TMIGD3: variants seen among roughly 807,000 people sequenced by gnomAD.
The protein encoded by TMIGD3 is AD026 protein (AD026).
In TMIGD3, 21 loss-of-function variants were observed where a neutral mutation model predicts 28.1. The ratio of observed to expected loss-of-function variants is 0.75; its 90% CI spans 0.53 to 1.08. The LOEUF (loss-of-function observed/expected upper bound fraction) is 1.08. Ranked by LOEUF, TMIGD3 falls within the 50% of genes least tolerant of loss-of-function variation. The probability of loss-of-function intolerance (pLI) is 0.00; values close to 1 mark genes in which losing one functional copy is unlikely to be tolerated. For synonymous variants in TMIGD3, 151 were observed against 162.1 expected (o/e 0.93, Z 0.52); for missense variants, 416 against 435.6 (o/e 0.96, Z 0.40).
intron 1 of TMIGD3, among the ~76,000 whole-genome samples, chr1:111,519,698 C>CTT (rs796777575): frequency 3.5e-4 from 50 of 142,220 alleles, no homozygotes; most frequent in African/African-American, 7.7e-4. Context: ...CTTTTCTCTT[C>CTT]TTTTTTTTTT....
intron 1 of TMIGD3, among the ~76,000 whole-genome samples, chr1:111,547,248 T>C (rs1657065307): frequency 6.6e-6 from 1 of 152,132 alleles, no homozygotes; most frequent in Non-Finnish European, 1.5e-5. Flanking sequence ...ATGACCTTTA[T>C]GAGATTGAAG....
intron 1 of TMIGD3, among the ~76,000 whole-genome samples, chr1:111,558,355 T>C (rs1461957340): frequency 6.7e-6 from 1 of 149,050 alleles, no homozygotes; most frequent in Admixed American, 6.7e-5. Flanking sequence ...TTTTTCTATT[T>C]TTTTTTTTTT....
At chr1:111,554,994 A>AT (rs1657422597) in intron 1 of TMIGD3, among the ~76,000 whole-genome samples, 1 of 152,120 alleles carries the variant, frequency 6.6e-6, no homozygotes, top group Admixed American at 6.6e-5. Context: ...GCTACAGAAT[A>AT]TTTTTTAAGT....
upstream of TMIGD3, among the ~76,000 whole-genome samples, chr1:111,506,912 A>ATATT (rs1166232463): frequency 7.1e-3 from 307 of 43,308 alleles, 1 homozygote; most frequent in African/African-American, 0.016. Context: ...ATATATATAT[A>ATATT]TTATATATAT....
chr1:111,502,886 C>T, intron 1 of TMIGD3, 119 bp downstream of exon 1: 1 of 1,272,836 alleles, frequency 7.9e-7, no homozygotes, highest in South Asian at 1.5e-5. Context: ...CACTTATTGC[C>T]CTCTTTCAAC....
intron 1 of TMIGD3, among the ~76,000 whole-genome samples, chr1:111,528,822 T>G (rs1450466150): frequency 6.6e-6 from 1 of 152,092 alleles, no homozygotes; most frequent in Admixed American, 6.5e-5. Context: ...AGTTGTTTAT[T>G]CCTTGTATAG....
At chr1:111,496,115 T>C (rs1654878227) in intron 1 of TMIGD3, among the ~76,000 whole-genome samples, 1 of 152,156 alleles carries the variant, frequency 6.6e-6, no homozygotes, top group South Asian at 2.1e-4. Context: ...AAATTACCTA[T>C]ATGGCAAACC....
At chr1:111,524,644 C>T (rs1159659301) in intron 1 of TMIGD3, among the ~76,000 whole-genome samples, 3 of 151,618 alleles carry the variant, frequency 2.0e-5, no homozygotes, top group Admixed American at 2.0e-4. Flanking sequence ...TCTGGAGACA[C>T]AATTTCACTC....
chr1:111,512,997 C>T (rs11810580), intron 1 of TMIGD3, among the ~76,000 whole-genome samples: 13,019 of 152,176 alleles, frequency 0.086, 652 homozygotes, highest in East Asian at 0.21. Context: ...AGTGGTTTGT[C>T]AGCATAAGCA....
In TMIGD3 at chr1:111,552,646, A is replaced by T. The variant is rs528367794; in HGVS notation, c.107+11200T>A. Reference sequence around the variant, plus strand: ...TTATCTATTTTTCTTAATCACTACCACCACCAGGCAGGCCTTGAGAGGCAA... The same window carrying T: ...TTATCTATTTTTCTTAATCACTACCTCCACCAGGCAGGCCTTGAGAGGCAA... On this transcript the variant is annotated intron_variant, in intron 1 of 5. Transcript: ENST00000369717. 2.6e-5 allele frequency among the ~76,000 whole-genome samples: 4 copies of T among 152,216 alleles called. No individual in the cohort carries two copies. In the South Asian group the frequency reaches 6.2e-4, roughly 24 times the overall value.
At position 111,562,850 on chromosome 1, in the gene TMIGD3, A is replaced by G. The variant is rs77695565; in HGVS notation, c.107+996T>C. Among the ~76,000 whole-genome samples the G allele has an allele frequency of 7.5e-3, 1,146 of 152,346 alleles. 9 individuals are homozygous for G. Among genetic ancestry groups the G allele is most frequent in the African/African-American group, 0.026 (1,089 of 41,570 alleles). On this transcript the variant is annotated intron_variant, in intron 1 of 5. Coordinates refer to the TMIGD3 transcript ENST00000369717. ...GTTTGCTTTTAGTTCTCAATCAATC[A>G]AGTACTTTAGAAAAGCCCAATACAA...
At chr1:111,504,306 G>C (rs1655398159), upstream of TMIGD3, among the ~76,000 whole-genome samples, 1 of 152,196 alleles carries the variant, frequency 6.6e-6, no homozygotes, top group Admixed American at 6.5e-5. Context: ...CAGAATAGCA[G>C]AATGACCAGA....
intron 1 of TMIGD3, among the ~76,000 whole-genome samples, chr1:111,546,329 A>G (rs1396854210): frequency 1.3e-5 from 2 of 152,142 alleles, no homozygotes; most frequent in Non-Finnish European, 2.9e-5. Context: ...AAGTACATTT[A>G]CATTGTTGTG....
chr1:111,531,618 T>G (rs1410232263), intron 1 of TMIGD3, among the ~76,000 whole-genome samples: 1 of 152,238 alleles, frequency 6.6e-6, no homozygotes, highest in African/African-American at 2.4e-5. Flanking sequence ...TTTCTGTTCC[T>G]TTACATGCCA....
chr1:111,502,037 G>GAT (rs1245467928), intron 1 of TMIGD3, among the ~76,000 whole-genome samples: 9 of 133,448 alleles, frequency 6.7e-5, no homozygotes, highest in Non-Finnish European at 1.3e-4. Context: ...TTATATATAG[G>GAT]ATATATATTT....
intron 1 of TMIGD3, chr1:111,500,937 CA>C: frequency 3.4e-6 from 1 of 294,596 alleles, no homozygotes. Context: ...TTTTTTAACT[CA>C]AAAACATCCA....
chr1:111,563,235 C>T (rs940455956), intron 1 of TMIGD3, among the ~76,000 whole-genome samples: 2 of 152,174 alleles, frequency 1.3e-5, no homozygotes, highest in South Asian at 2.1e-4. Flanking sequence ...TGATTAGCAC[C>T]ACTGTACTAC....
At position 111,489,278 on chromosome 1, in the gene TMIGD3, A is replaced by G. The variant is rs1028051821; in HGVS notation, c.458-254T>C. On this transcript the variant is annotated intron_variant, in intron 2 of 5. Transcript: ENST00000369716. ...GGCCTTTAAAGAGATAATTAAGTTAACATAGGGTCATTGGGGTAGTCCTTA... is the reference window on the plus strand; with the variant it reads ...GGCCTTTAAAGAGATAATTAAGTTAGCATAGGGTCATTGGGGTAGTCCTTA... Among the ~76,000 whole-genome samples, 3 of 152,356 alleles carry G rather than the reference A, an allele frequency of 2.0e-5. No homozygotes were observed. The East Asian group carries it at 5.8e-4, about 29-fold the overall frequency.
chr1:111,514,567 G>T (rs1655796209), intron 1 of TMIGD3, among the ~76,000 whole-genome samples: 1 of 151,118 alleles, frequency 6.6e-6, no homozygotes, highest in Admixed American at 6.6e-5. Context: ...AAAAAAAAAA[G>T]CAGCAGCAAA....
Sources: gnomAD v4.1 joint callset for allele counts (sites outside exome capture counted in the v4.1 genomes callset) on GRCh38, gnomAD v4.1.1 for gene constraint, MANE v1.5 for transcripts, NCBI Gene and HGNC (gene_info 2026-07-23, HGNC 2026-07-21) for gene names.